MAVS: variants seen among roughly 807,000 people sequenced by gnomAD.
MAVS encodes mitochondrial antiviral-signaling protein.
In MAVS, 20 loss-of-function variants were observed where a neutral mutation model predicts 30.2. The ratio of observed to expected loss-of-function variants is 0.66; its 90% confidence interval spans 0.47 to 0.96. The LOEUF (loss-of-function observed/expected upper bound fraction) is 0.96, where lower values mean the gene tolerates loss of function less well. Ranked by LOEUF, MAVS falls within the 40% of genes least tolerant of loss-of-function variation. The pLI is 0.00. For missense variants in MAVS, 624 were observed against 701.1 expected (o/e 0.89, Z 1.24); for synonymous variants, 278 against 293.9 (o/e 0.95, Z 0.55).
intron 5 of MAVS, 127 bp from the exon 6 acceptor site, chr20:3,864,129 A>G (rs2089886384): frequency 5.6e-6 from 6 of 1,069,848 alleles, no homozygotes; most frequent in Non-Finnish European, 8.2e-6. Context: ...CATCTCCTCC[A>G]AGGGCAGGAG....
Position 3,875,891 on chromosome 20 carries a change from C to T in MAVS, c.*9744C>T, listed in dbSNP as rs1325698505. The T allele has an allele frequency of 6.6e-6, 1 of 152,400 alleles. No homozygotes were observed. Among genetic ancestry groups the T allele is most frequent in the African/African-American group, 2.4e-5 (1 of 41,464 alleles). 9.4% of individuals were successfully genotyped at this position (152,400 alleles called of 1,614,324 possible). On this transcript the variant is annotated 3_prime_UTR_variant, in exon 7 of 7. Transcript: ENST00000428216. Reference sequence around the variant, plus strand: ...TCAGACGCTATCTTCCAGTTAATCACTTCGCTTGTATTTAACATAAGAAAG... The same window carrying T: ...TCAGACGCTATCTTCCAGTTAATCATTTCGCTTGTATTTAACATAAGAAAG...
intron 1 of MAVS, among the ~76,000 whole-genome samples, chr20:3,853,215 G>C (rs925625763): frequency 7.4e-5 from 11 of 148,526 alleles, no homozygotes; most frequent in African/African-American, 2.2e-4. Context: ...GGCCGGGCGC[G>C]GTGGCTCACG....
intron 5 of MAVS, among the ~76,000 whole-genome samples, chr20:3,863,456 G>C (rs1354571630): frequency 1.3e-5 from 2 of 152,210 alleles, no homozygotes; most frequent in African/African-American, 4.8e-5. Flanking sequence ...CTGCTTTGCA[G>C]TGTCACCTGG....
intron 1 of MAVS, among the ~76,000 whole-genome samples, chr20:3,848,155 A>C (rs576823552): frequency 4.0e-5 from 6 of 151,040 alleles, no homozygotes; most frequent in African/African-American, 1.5e-4. Flanking sequence ...GCTGGAGCGC[A>C]GTGGTCCAAT....
At chr20:3,855,121 C>G (rs887071286) in intron 2 of MAVS, among the ~76,000 whole-genome samples, 1 of 152,000 alleles carries the variant, frequency 6.6e-6, no homozygotes, top group Non-Finnish European at 1.5e-5. Context: ...GATCTCTTGA[C>G]CTTGTGATCC....
At chr20:3,847,172 A>T (rs2146749864) in intron 1 of MAVS, among the ~76,000 whole-genome samples, 3 of 152,194 alleles carry the variant, frequency 2.0e-5, no homozygotes, top group Middle Eastern at 6.8e-3. Context: ...GCTGGGGGAA[A>T]GGTAGGGCCA....
At chr20:3,862,770 C>T (rs1305246915) in intron 5 of MAVS, among the ~76,000 whole-genome samples, 1 of 152,206 alleles carries the variant, frequency 6.6e-6, no homozygotes, top group Non-Finnish European at 1.5e-5. Context: ...TGGCTGTTTG[C>T]TGAGCACCTT....
At chr20:3,859,799 C>T (rs1166205034) in intron 3 of MAVS, among the ~76,000 whole-genome samples, 1 of 152,016 alleles carries the variant, frequency 6.6e-6, no homozygotes, top group Non-Finnish European at 1.5e-5. Flanking sequence ...ACTCCTGCCC[C>T]CTTGCCAAGT....
chr20:3,870,905 G>C lies in MAVS; in HGVS notation c.*4758G>C, dbSNP rs1175738586. ...GCAGAGGTTCTTTTCTTTTGAGACA[G>C]AGTGTTGCTCTGTTGCCCAGGCTGG... On this transcript the variant is annotated 3_prime_UTR_variant, in exon 7 of 7. Coordinates refer to ENST00000428216, the MANE Select transcript of MAVS (RefSeq NM_020746.5). 1 of 151,712 alleles carries C rather than the reference G, an allele frequency of 6.6e-6. No homozygotes were observed. The highest frequency in any genetic ancestry group is 2.4e-5 in the African/African-American group (1 of 41,046). The allele number at this position is 151,712 out of a possible 1,614,324, so 9.4% of individuals were successfully genotyped here.
Position 3,854,752 on chromosome 20 carries a change from G to A in MAVS, c.117+11G>A. The A allele has an allele frequency of 6.3e-7, 1 of 1,590,828 alleles. No homozygotes were observed. Among genetic ancestry groups the A allele is most frequent in the South Asian group, 1.1e-5 (1 of 90,570 alleles). On this transcript the variant is annotated intron_variant, in intron 2 of 6. Transcript: ENST00000428216. ...ACAGCAAGAGACCAGGTGAGCAAGG[G>A]AAGTGACAGCCCGACACTGGCCTGG...
At chr20:3,852,461 C>T (rs920644259) in intron 1 of MAVS, among the ~76,000 whole-genome samples, 3 of 152,024 alleles carry the variant, frequency 2.0e-5, no homozygotes, top group African/African-American at 4.8e-5. Context: ...TTTATTTTTT[C>T]AGTGTGTCCC....
In MAVS at chr20:3,850,555, A is replaced by G. The variant is rs191397767; in HGVS notation, c.-68+3652A>G. Among the ~76,000 whole-genome samples, 391 of 138,512 alleles carry G rather than the reference A, an allele frequency of 2.8e-3. 10 individuals carry two copies. Among genetic ancestry groups the G allele is most frequent in the Non-Finnish European group, 7.9e-4 (52 of 65,712 alleles). The allele number at this position is 138,512 out of a possible 152,430, so 90.9% of individuals were successfully genotyped here. ...CAGTGAGCCGAGATCGCGCCATTGT[A>G]CTCCAGCCTGGGCAAAAAGAGTGAA... On this transcript the variant is annotated intron_variant, in intron 1 of 6. Coordinates refer to ENST00000428216, the MANE Select transcript of MAVS (RefSeq NM_020746.5).
intron 3 of MAVS, among the ~76,000 whole-genome samples, chr20:3,861,001 T>C (rs2089861715): frequency 7.3e-6 from 1 of 136,980 alleles, no homozygotes. Context: ...TTTTTCTTTC[T>C]TTTTTTTTTT....
At position 3,869,884 on chromosome 20, in the gene MAVS, G is replaced by C. The variant is rs1422026248; in HGVS notation, c.*3737G>C. ...CTTCCCAAAGTGCTGGGATACAGGA[G>C]TGAGCCACTGCGCCTGGCTGATCCC... is the stretch of plus-strand genomic sequence containing the variant. On this transcript the variant is annotated 3_prime_UTR_variant, in exon 7 of 7. Transcript: ENST00000428216. The C allele has an allele frequency of 6.6e-6, 1 of 152,224 alleles. No homozygotes were observed. Among genetic ancestry groups the C allele is most frequent in the Admixed American group, 6.5e-5 (1 of 15,278 alleles). The allele number at this position is 152,224 out of a possible 1,614,324, so 9.4% of individuals were successfully genotyped here. A position where few individuals can be genotyped will look rare whatever the true frequency, so the allele number is the denominator to read the frequency against.
intron 5 of MAVS, among the ~76,000 whole-genome samples, chr20:3,862,947 C>A (rs915707918): frequency 1.3e-5 from 2 of 152,146 alleles, no homozygotes; most frequent in African/African-American, 4.8e-5. Context: ...GGGAAATAGA[C>A]TCCCTCCCTA....
At position 3,862,280 on chromosome 20, in the gene MAVS, C is replaced by T. The variant is rs201271837; in HGVS notation, c.492C>T (p.Leu164=). The part of the protein sequence containing the change: ...GENSEQALQT[L]SPRAIPRNPD... ...ATTCAGAGCAAGCCCTGCAGACGCT[C>T]AGCCCCAGAGCCATCCCAAGGAATC... The change falls in exon 5 of 7, where the codon CTC becomes CTT. Residue 164 remains leucine, a synonymous_variant. Transcript: ENST00000428216. The T allele has an allele frequency of 7.4e-6, 12 of 1,613,946 alleles. No individual in the cohort carries two copies. Among genetic ancestry groups the T allele is most frequent in the African/African-American group, 5.3e-5 (4 of 75,046 alleles).
At chr20:3,858,147 C>G (rs1271478622) in intron 3 of MAVS, among the ~76,000 whole-genome samples, 1 of 152,066 alleles carries the variant, frequency 6.6e-6, no homozygotes, top group African/African-American at 2.4e-5. Context: ...CACATGGAGT[C>G]TCCCCTAACT....
Position 3,864,723 on chromosome 20 carries a change from A to ACT in MAVS, c.1094_1095dup (p.Ser366LeufsTer41). ...TGGCATGGTGCCATCCAAAGTGCCTACTAGCATGGTGCTCACCAAGGTGTC... is the reference window on the plus strand; with the variant it reads ...TGGCATGGTGCCATCCAAAGTGCCTACTCTAGCATGGTGCTCACCAAGGTGTC... On this transcript the variant is annotated frameshift_variant, in exon 6 of 7. Coordinates refer to ENST00000428216, the MANE Select transcript of MAVS (RefSeq NM_020746.5). LOFTEE classifies it high-confidence loss of function. 6.2e-7 allele frequency: 1 copy of ACT among 1,614,238 alleles called. No homozygotes were observed. Among genetic ancestry groups the ACT allele is most frequent in the Non-Finnish European group, 8.5e-7 (1 of 1,180,050 alleles).
intron 1 of MAVS, among the ~76,000 whole-genome samples, chr20:3,852,909 G>A (rs991071441): frequency 6.9e-6 from 1 of 144,606 alleles, no homozygotes; most frequent in African/African-American, 2.6e-5. Context: ...GCGTGATCTC[G>A]GCTCACTACA....
Sources: gnomAD v4.1 joint callset for allele counts (sites outside exome capture counted in the v4.1 genomes callset) on GRCh38, gnomAD v4.1.1 for gene constraint, MANE v1.5 for transcripts, NCBI Gene and HGNC (gene_info 2026-07-23, HGNC 2026-07-21) for gene names.